Variants in CCDC88C observed in about 807,000 individuals in gnomAD.
The protein encoded by CCDC88C is coiled-coil and HOOK domain protein 88C.
Under a neutral mutation model 198.8 loss-of-function variants are expected in CCDC88C, and 131 were observed. The ratio of observed to expected loss-of-function variants is 0.66; its 90% CI spans 0.57 to 0.76. The LOEUF is 0.76. CCDC88C is among the 30% of genes least tolerant of loss of function. The probability of loss-of-function intolerance (pLI) is 0.00; values close to 1 mark genes in which losing one functional copy is unlikely to be tolerated. For synonymous variants in CCDC88C, 1,166 were observed against 1,114.7 expected (o/e 1.05, Z -0.92); for missense variants, 2,553 against 2,631.6 (o/e 0.97, Z 0.65).
chr14:91,388,240 T>G (rs968451761), intron 3 of CCDC88C, among the ~76,000 whole-genome samples: 1 of 152,222 alleles, frequency 6.6e-6, no homozygotes, highest in African/African-American at 2.4e-5. Flanking sequence ...AACCAATGTA[T>G]GACCAGATTT....
At chr14:91,382,178 T>C (rs1884840615) in intron 3 of CCDC88C, among the ~76,000 whole-genome samples, 1 of 152,148 alleles carries the variant, frequency 6.6e-6, no homozygotes, top group Non-Finnish European at 1.5e-5. Flanking sequence ...AGCGCTACTG[T>C]CCACCTCCTG....
In CCDC88C at chr14:91,313,825, A is replaced by C; in HGVS notation, c.1991T>G (p.Leu664Arg). ...CTGCAGGCCCTGGCTCTCATGCTCC[A>C]GGGCCTCGACTTTCTCGGTGGCTGT... ...LETATEKVEA[L>R]EHESQGLQLE... Residue 664 changes from leucine (L) to arginine (R), a missense_variant, in exon 15 of 30, where the codon CTG (leucine) becomes CGG (arginine). Leu to Arg is a moderately radical substitution (Grantham distance 102). Transcript: ENST00000389857. This position sits in a 1 kb window ranked among gnomAD's most constrained non-coding sequence, Gnocchi z 5.2. 6.3e-7 allele frequency: 1 copy of C among 1,599,068 alleles called. No individual in the cohort carries two copies. The highest frequency in any genetic ancestry group is 8.5e-7 in the Non-Finnish European group (1 of 1,175,632).
intron 26 of CCDC88C, 83 bp downstream of exon 26, chr14:91,283,245 AC>A: frequency 7.3e-7 from 1 of 1,376,336 alleles, no homozygotes; most frequent in Non-Finnish European, 1.0e-6. Flanking sequence ...AGGGAGAGCA[AC>A]CTCTCTGATT....
At position 91,313,946 on chromosome 14, in the gene CCDC88C, T is replaced by C; in HGVS notation, c.1870A>G (p.Lys624Glu). The C allele has an allele frequency of 6.2e-7, 1 of 1,613,474 alleles. No homozygotes were observed. Among genetic ancestry groups the C allele is most frequent in the African/African-American group, 1.3e-5 (1 of 74,914 alleles). Residue 624 changes from lysine (K) to glutamate (E), a missense_variant, in exon 15 of 30, where the codon AAG becomes GAG. Coordinates refer to ENST00000389857, the MANE Select transcript of CCDC88C (RefSeq NM_001080414.4). This position sits in a 1 kb window ranked among gnomAD's most constrained non-coding sequence, Gnocchi z 5.2. ...TTCTCTGCCCGCTCCCCCTTCTCCT[T>C]GGCCTGCTCCAAGTCCCTGTGCAGC... ...RQLHRDLEQA[K>E]EKGERAEKLE...
Position 91,294,170 on chromosome 14 carries a change from T to A in CCDC88C, c.4112+3A>T. On this transcript the variant is annotated splice_donor_region_variant and intron_variant, in intron 23 of 29. Coordinates refer to ENST00000389857, the MANE Select transcript of CCDC88C (RefSeq NM_001080414.4). ...GAGAGGGGTTCAGGGACTCCCTGCT[T>A]ACATGTACTGCTTCTGCTCCTCATG... is the stretch of plus-strand genomic sequence containing the variant. 1 of 1,613,938 alleles carries A rather than the reference T, an allele frequency of 6.2e-7. No individual in the cohort carries two copies. Among genetic ancestry groups the A allele is most frequent in the East Asian group, 2.2e-5 (1 of 44,884 alleles).
At chr14:91,290,084 C>T (rs1890594360) in intron 24 of CCDC88C, among the ~76,000 whole-genome samples, 1 of 152,048 alleles carries the variant, frequency 6.6e-6, no homozygotes, top group Admixed American at 6.6e-5. Flanking sequence ...CCAGCCTGGC[C>T]AACATGGTGA....
chr14:91,400,748 A>G (rs548502379), intron 3 of CCDC88C, among the ~76,000 whole-genome samples: 6 of 152,334 alleles, frequency 3.9e-5, no homozygotes, highest in African/African-American at 7.2e-5. Flanking sequence ...AACCAACACA[A>G]TCACAAAGGG....
chr14:91,320,024 CAA>C (rs61102058), intron 13 of CCDC88C, among the ~76,000 whole-genome samples: 178 of 24,138 alleles, frequency 7.4e-3, no homozygotes, highest in Admixed American at 0.014. Flanking sequence ...AACTCAGTCT[CAA>C]AAAAAAAAAA....
intron 3 of CCDC88C, among the ~76,000 whole-genome samples, chr14:91,402,836 A>G (rs1886286027): frequency 6.6e-6 from 1 of 152,218 alleles, no homozygotes; most frequent in South Asian, 2.1e-4. Context: ...AAAACAATAA[A>G]GGAAAAAGAA....
intron 3 of CCDC88C, among the ~76,000 whole-genome samples, chr14:91,398,074 C>T (rs1434670171): frequency 6.6e-6 from 1 of 152,130 alleles, no homozygotes; most frequent in Non-Finnish European, 1.5e-5. Flanking sequence ...CTCTAAAGCC[C>T]CCAGCATGGG....
Position 91,307,073 on chromosome 14 carries a change from G to C in CCDC88C, c.3160C>G (p.Arg1054Gly). 1 of 1,613,542 alleles carries C rather than the reference G, an allele frequency of 6.2e-7. No homozygotes were observed. Among genetic ancestry groups the C allele is most frequent in the Non-Finnish European group, 8.5e-7 (1 of 1,179,696 alleles). Residue 1054 changes from arginine (R) to glycine (G), a missense_variant, in exon 18 of 30, where the codon CGA becomes GGA. This residue lies in a region of CCDC88C where 1,260 missense variants were observed against 1,412.0 expected (regional missense o/e 0.89). Transcript: ENST00000389857. Reference protein sequence around the residue: ...GHKEATMELLRVKDRAIELER... With the variant: ...GHKEATMELLGVKDRAIELER... ...AGCTCGATGGCCCGGTCCTTCACTC[G>C]GAGAAGCTCCATGGTGGCTTCCTTA...
rs755103 is a variant in CCDC88C at position 91,388,780 on chromosome 14, T to G, written c.270+19879A>C. Among the ~76,000 whole-genome samples, 3 of 152,332 alleles carry G rather than the reference T, an allele frequency of 2.0e-5. No individual in the cohort carries two copies. In the South Asian group the frequency reaches 6.2e-4, roughly 32 times the overall value. On this transcript the variant is annotated intron_variant, in intron 3 of 29. Transcript: ENST00000389857. ...TCAAGCACACTTGCAGCGAGGGATG[T>G]GAACTTCTCCCTTTGGGGCTGGTGG...
In CCDC88C at chr14:91,313,349, G is replaced by C; in HGVS notation, c.2467C>G (p.Leu823Val). ...LEGAEKDRKALEQEVAQLEKD... is the reference protein window; with the variant it reads ...LEGAEKDRKAVEQEVAQLEKD... ...TCGAGCTGGGCCACCTCCTGCTCCA[G>C]GGCCTTCCTGTCCTTCTCGGCCCCC... The change falls in exon 15 of 30, where the codon CTG becomes GTG. Residue 823 changes from leucine to valine, a missense_variant. By Grantham distance (32) the Leu-to-Val change is conservative (BLOSUM62 1). Around this residue, in one of 2 missense-constraint regions of CCDC88C, gnomAD observed 1,260 missense variants for 1,412.0 expected, o/e 0.89. Coordinates refer to ENST00000389857, the MANE Select transcript of CCDC88C (RefSeq NM_001080414.4). The surrounding 1 kb of genome is among the most constrained non-coding windows in gnomAD (Gnocchi z 5.2). 1 of 1,612,392 alleles carries C rather than the reference G, an allele frequency of 6.2e-7. No homozygotes were observed. The highest frequency in any genetic ancestry group is 8.5e-7 in the Non-Finnish European group (1 of 1,179,880).
chr14:91,285,896 G>T, intron 25 of CCDC88C: 1 of 976,372 alleles, frequency 1.0e-6, no homozygotes, highest in Non-Finnish European at 1.4e-6. Context: ...ACAAATAAAT[G>T]AAATGAACAA....
At chr14:91,297,096 C>T (rs141507241) in intron 22 of CCDC88C, among the ~76,000 whole-genome samples, 127 of 152,348 alleles carry the variant, frequency 8.3e-4, no homozygotes, top group Non-Finnish European at 1.6e-3. Flanking sequence ...GACGGTCAGA[C>T]AGGGGTGTTT....
chr14:91,314,517 T>C (rs912189467), intron 14 of CCDC88C, among the ~76,000 whole-genome samples: 1 of 152,250 alleles, frequency 6.6e-6, no homozygotes, highest in African/African-American at 2.4e-5. Flanking sequence ...CCCAGCTGAC[T>C]GTGAACACTT....
intron 3 of CCDC88C, among the ~76,000 whole-genome samples, chr14:91,406,452 T>C (rs144931667): frequency 6.6e-6 from 1 of 152,332 alleles, no homozygotes; most frequent in Non-Finnish European, 1.5e-5. Flanking sequence ...TACCACTGGC[T>C]CTGGCCAGCC....
At chr14:91,411,546 TATCAGG>T (rs1886788215) in intron 2 of CCDC88C, among the ~76,000 whole-genome samples, 1 of 152,190 alleles carries the variant, frequency 6.6e-6, no homozygotes, top group African/African-American at 2.4e-5. Flanking sequence ...AACACTCTAG[TATCAGG>T]ATCTCAGAGG....
rs776555393 is a variant in CCDC88C, at chr14:91,313,049, C to T, written c.2736+31G>A. The T allele has an allele frequency of 6.6e-7, 1 of 1,514,806 alleles. No individual in the cohort carries two copies. The highest frequency in any genetic ancestry group is 8.9e-7 in the Non-Finnish European group (1 of 1,119,014). The allele number at this position is 1,514,806 out of a possible 1,614,324, so 93.8% of individuals were successfully genotyped here. The stretch of plus-strand genomic sequence containing the variant: ...GAACCCACTACCACCATCTGCCAAT[C>T]CCCTTACAGGCGCCGCCTGTGTTTG... On this transcript the variant is annotated intron_variant, in intron 15 of 29. Transcript: ENST00000389857. This position sits in a 1 kb window ranked among gnomAD's most constrained non-coding sequence, Gnocchi z 5.2.
Sources: allele counts gnomAD v4.1 joint callset (sites outside exome capture counted in the v4.1 genomes callset), GRCh38; gene constraint gnomAD v4.1.1; regional missense constraint gnomAD v4.1.1; non-coding constraint Gnocchi (gnomAD v3.1); transcripts MANE v1.5; gene names NCBI Gene and HGNC (gene_info 2026-07-23, HGNC 2026-07-21).